Variants in GRIK4 observed in about 807,000 individuals in gnomAD.
The protein encoded by GRIK4 is glutamate receptor ionotropic, kainate 4.
Under a neutral mutation model 104.9 loss-of-function variants are expected in GRIK4, and 40 were observed. The ratio of observed to expected loss-of-function variants is 0.38; its 90% CI spans 0.30 to 0.50. The LOEUF (loss-of-function observed/expected upper bound fraction) is 0.50, where lower values mean the gene tolerates loss of function less well. Ranked by LOEUF, GRIK4 falls within the 20% of genes least tolerant of loss-of-function variation. GRIK4 has a pLI of 0.93. For missense variants in GRIK4, 1,047 were observed against 1,308.1 expected (o/e 0.80, Z 3.08); for synonymous variants, 485 against 524.9 (o/e 0.92, Z 1.04).
At chr11:120,680,254 T>C (rs941264238) in intron 3 of GRIK4, among the ~76,000 whole-genome samples, 2 of 152,154 alleles carry the variant, frequency 1.3e-5, no homozygotes, top group African/African-American at 4.8e-5. Context: ...ATTTTTATAT[T>C]TTTAGTAGAG....
chr11:120,539,394 C>T (rs995849024), intron 1 of GRIK4, among the ~76,000 whole-genome samples: 2 of 152,184 alleles, frequency 1.3e-5, no homozygotes, highest in African/African-American at 2.4e-5. Flanking sequence ...GTATCCACTT[C>T]GTAATAGGTC....
chr11:120,836,979 G>A lies in GRIK4; in HGVS notation c.744+135G>A, dbSNP rs116639253. The A allele has an allele frequency of 1.0e-4, 64 of 614,836 alleles. No homozygotes were observed. The African/African-American group carries it at 1.1e-3, about 10-fold the overall frequency. The allele number at this position is 614,836 out of a possible 1,614,324, so 38.1% of individuals were successfully genotyped here. Reference sequence around the variant, plus strand: ...CAGAGGAGCAGAAGCCAACCAGAGAGGCAGGGCGTCCTGGAAATTCTCATC... The same window carrying A: ...CAGAGGAGCAGAAGCCAACCAGAGAAGCAGGGCGTCCTGGAAATTCTCATC... On this transcript the variant is annotated intron_variant, in intron 8 of 20. Transcript: ENST00000527524.
intron 4 of GRIK4, among the ~76,000 whole-genome samples, chr11:120,811,993 C>T (rs976989915): frequency 1.6e-4 from 24 of 152,280 alleles, no homozygotes; most frequent in Admixed American, 1.2e-3. Context: ...GGGCACACTC[C>T]GATCTACGTT....
chr11:120,724,009 C>T (rs948626592), intron 3 of GRIK4, among the ~76,000 whole-genome samples: 2 of 152,082 alleles, frequency 1.3e-5, no homozygotes, highest in Non-Finnish European at 2.9e-5. Flanking sequence ...TGTTTTCTGT[C>T]CTATGGTTTT....
chr11:120,831,903 C>T lies in GRIK4; in HGVS notation c.563C>T (p.Thr188Met), dbSNP rs765307338. Residue 188 changes from threonine (T) to methionine (M), a missense_variant, in exon 7 of 21, where the codon ACG (threonine) becomes ATG (methionine). Physicochemically the swap from Thr to Met is moderately conservative, Grantham distance 81. Coordinates refer to ENST00000527524, the MANE Select transcript of GRIK4 (RefSeq NM_014619.5). ...CGGCAATTCCTTATCTCCAAGGACA[C>T]GCTGTCCGTCCGCATGCTGGATGAC... The part of the protein sequence containing the change: ...LLRQFLISKD[T>M]LSVRMLDDTR... 10 of 1,613,696 alleles carry T rather than the reference C, an allele frequency of 6.2e-6. No homozygotes were observed. Among genetic ancestry groups the T allele is most frequent in the Admixed American group, 3.3e-5 (2 of 59,996 alleles).
intron 1 of GRIK4, among the ~76,000 whole-genome samples, chr11:120,569,672 G>GTCA (rs575050844): frequency 8.1e-4 from 124 of 152,302 alleles, no homozygotes; most frequent in African/African-American, 2.9e-3. Flanking sequence ...GAAGGGTAGG[G>GTCA]TCATTAGCCA....
At chr11:120,892,970 C>T (rs1342791643) in intron 11 of GRIK4, among the ~76,000 whole-genome samples, 1 of 152,212 alleles carries the variant, frequency 6.6e-6, no homozygotes, top group Non-Finnish European at 1.5e-5. Flanking sequence ...AGAAAAGAAA[C>T]AGACACTACG....
intron 3 of GRIK4, among the ~76,000 whole-genome samples, chr11:120,747,400 C>T (rs368772907): frequency 3.3e-5 from 5 of 152,188 alleles, no homozygotes; most frequent in African/African-American, 4.8e-5. Flanking sequence ...TCTCCTCCCC[C>T]GCTAGGGTGT....
At chr11:120,715,263 C>T (rs2135363432) in intron 3 of GRIK4, among the ~76,000 whole-genome samples, 1 of 152,294 alleles carries the variant, frequency 6.6e-6, no homozygotes, top group South Asian at 2.1e-4. Context: ...GGGGCACAGT[C>T]CCGAGGAGCC....
rs184028100 is a variant in GRIK4 at position 120,985,819 on chromosome 11, C to G, written c.2515-85C>G. 2.4e-4 allele frequency: 296 copies of G among 1,240,152 alleles called. 3 individuals carry two copies. In the East Asian group the frequency reaches 7.3e-3, roughly 31 times the overall value. The allele number at this position is 1,240,152 out of a possible 1,614,324, so 76.8% of individuals were successfully genotyped here. A position where few individuals can be genotyped will look rare whatever the true frequency, so the allele number is the denominator to read the frequency against. On this transcript the variant is annotated intron_variant, in intron 20 of 20. Transcript: ENST00000527524. ...TGACACGATTCTGTGACCGCTGCCCCCTTCATCCCTCATCCCAGCGGACTC... is the reference window on the plus strand; with the variant it reads ...TGACACGATTCTGTGACCGCTGCCCGCTTCATCCCTCATCCCAGCGGACTC...
At chr11:120,652,263 A>G (rs1312315527) in intron 1 of GRIK4, among the ~76,000 whole-genome samples, 4 of 152,186 alleles carry the variant, frequency 2.6e-5, no homozygotes, top group Admixed American at 2.6e-4. Flanking sequence ...AACCTTAGAG[A>G]TCATCTAGTC....
intron 1 of GRIK4, among the ~76,000 whole-genome samples, chr11:120,613,292 A>T (rs954664136): frequency 3.3e-5 from 5 of 152,146 alleles, no homozygotes; most frequent in African/African-American, 1.2e-4. Context: ...TGTGTCTTGT[A>T]CAAGAAGACA....
rs376367276 is a variant in GRIK4 at position 120,545,895 on chromosome 11, T to G, written c.-159+34008T>G. On this transcript the variant is annotated intron_variant, in intron 1 of 20. Transcript: ENST00000527524. ...AGGCCTGTGCTGTGCACTGAGTGCT[T>G]TCCTGCATGTTTTCAGACAGAGCCA... Among the ~76,000 whole-genome samples the G allele has an allele frequency of 2.6e-5, 4 of 152,154 alleles. No homozygotes were observed. In the South Asian group the frequency reaches 6.2e-4, roughly 24 times the overall value.
intron 3 of GRIK4, among the ~76,000 whole-genome samples, chr11:120,763,554 C>T (rs1951785479): frequency 6.6e-6 from 1 of 152,166 alleles, no homozygotes; most frequent in Non-Finnish European, 1.5e-5. Context: ...ATTTTTAGAT[C>T]TTTCCTGCTT....
At position 120,953,189 on chromosome 11, in the gene GRIK4, A is replaced by G. The variant is rs904446122; in HGVS notation, c.1700+225A>G. ...ATTCCCCACTGTGCACGACGCAGACAGGTGGCTTGGCTTCTGCACCTCTGC... is the reference window on the plus strand; with the variant it reads ...ATTCCCCACTGTGCACGACGCAGACGGGTGGCTTGGCTTCTGCACCTCTGC... On this transcript the variant is annotated intron_variant, in intron 15 of 20. Transcript: ENST00000527524. This position sits in a 1 kb window ranked among gnomAD's most constrained non-coding sequence, Gnocchi z 4.9. 6.6e-6 allele frequency among the ~76,000 whole-genome samples: 1 copy of G among 152,076 alleles called. No homozygotes were observed.
intron 1 of GRIK4, among the ~76,000 whole-genome samples, chr11:120,512,704 T>C (rs1947678356): frequency 6.6e-6 from 1 of 152,032 alleles, no homozygotes; most frequent in African/African-American, 2.4e-5. Flanking sequence ...CTGGCAGAGC[T>C]GTGCGCTCCG....
At chr11:120,594,661 G>A (rs1424671218) in intron 1 of GRIK4, among the ~76,000 whole-genome samples, 1 of 152,132 alleles carries the variant, frequency 6.6e-6, no homozygotes. Flanking sequence ...GCAGAAGCCT[G>A]ATTTTGTTCA....
intron 3 of GRIK4, among the ~76,000 whole-genome samples, chr11:120,761,950 ATTAAAT>A (rs1227324621): frequency 6.6e-6 from 1 of 152,040 alleles, no homozygotes; most frequent in Non-Finnish European, 1.5e-5. Flanking sequence ...TTGCTTTCAT[ATTAAAT>A]TTAAAGTAAT....
intron 3 of GRIK4, among the ~76,000 whole-genome samples, chr11:120,722,169 G>A (rs773534565): frequency 6.6e-6 from 1 of 152,156 alleles, no homozygotes; most frequent in Non-Finnish European, 1.5e-5. Context: ...CACAAAGGGT[G>A]TGGATCCCTC....
Sources: allele counts gnomAD v4.1 joint callset (sites outside exome capture counted in the v4.1 genomes callset), GRCh38; gene constraint gnomAD v4.1.1; non-coding constraint Gnocchi (gnomAD v3.1); transcripts MANE v1.5; gene names NCBI Gene and HGNC (gene_info 2026-07-23, HGNC 2026-07-21).